USP16: variants seen among roughly 807,000 people sequenced by gnomAD.
USP16 encodes the protein ubiquitin specific peptidase 16.
A neutral mutation model predicts 95.9 loss-of-function variants in USP16; 77 were observed. The observed-to-expected ratio is 0.80, with a 90% CI of 0.67 to 0.97. The LOEUF (loss-of-function observed/expected upper bound fraction) is 0.97, where lower values mean the gene tolerates loss of function less well. USP16 is among the 50% of genes least tolerant of loss of function. USP16 has a pLI of 0.00. For missense variants in USP16, 943 were observed against 959.9 expected, an observed-to-expected ratio of 0.98 and a Z score of 0.23; for synonymous variants, 303 against 318.2, an observed-to-expected ratio of 0.95 and a Z score of 0.51.
At position 29,042,036 on chromosome 21, in the gene USP16, C is replaced by A. The variant is rs191869272; in HGVS notation, c.1054C>A (p.Pro352Thr). 6.2e-7 allele frequency: 1 copy of A among 1,612,746 alleles called. No homozygotes were observed. The highest frequency in any genetic ancestry group is 2.2e-5 in the East Asian group (1 of 44,790). The part of the protein sequence containing the change: ...VKDYEKKKSM[P>T]SFVDRIFGGE... ...AGATTATGAGAAGAAAAAATCAATG[C>A]CAAGTTTTGTTGACCGCATCTTTGG... Residue 352 changes from proline to threonine, a missense_variant, in exon 11 of 18, where the codon CCA becomes ACA. Coordinates refer to ENST00000399976, the MANE Select transcript of USP16 (RefSeq NM_006447.3).
Position 29,039,010 on chromosome 21 carries a change from C to A in USP16, c.733-16C>A, listed in dbSNP as rs779204233. On this transcript the variant is annotated splice_polypyrimidine_tract_variant and intron_variant, in intron 7 of 17. Coordinates refer to ENST00000399976, the MANE Select transcript of USP16 (RefSeq NM_006447.3). Reference sequence around the variant, plus strand: ...AGAATTTGACTGAAGAAAGTAATTTCTTTTCCCATATTCAGGAACCATTAG... The same window carrying A: ...AGAATTTGACTGAAGAAAGTAATTTATTTTCCCATATTCAGGAACCATTAG... 6.7e-7 allele frequency: 1 copy of A among 1,486,878 alleles called. No homozygotes were observed. Among genetic ancestry groups the A allele is most frequent in the South Asian group, 1.4e-5 (1 of 70,040 alleles). The allele number at this position is 1,486,878 out of a possible 1,614,324, so 92.1% of individuals were successfully genotyped here.
At position 29,054,219 on chromosome 21, in the gene USP16, T is replaced by C. The variant is rs1341611311; in HGVS notation, c.*32T>C. Reference sequence around the variant, plus strand: ...CAAAAGCACTTTTTCTGGAAACACATTTATGGCTTTTATAATGGCTGAAAT... The same window carrying C: ...CAAAAGCACTTTTTCTGGAAACACACTTATGGCTTTTATAATGGCTGAAAT... On this transcript the variant is annotated 3_prime_UTR_variant, in exon 18 of 18. Coordinates refer to ENST00000399976, the MANE Select transcript of USP16 (RefSeq NM_006447.3). The C allele has an allele frequency of 1.9e-6, 3 of 1,590,498 alleles. No individual in the cohort carries two copies. The highest frequency in any genetic ancestry group is 2.6e-6 in the Non-Finnish European group (3 of 1,163,590).
intron 12 of USP16, 121 bp from the exon 13 acceptor site, chr21:29,043,302 T>G: frequency 2.9e-6 from 2 of 678,628 alleles, no homozygotes; most frequent in Non-Finnish European, 2.1e-6. Flanking sequence ...TTTTCAAATA[T>G]TGTGGAAAAA....
At chr21:29,041,512 T>C (rs1445732377) in intron 10 of USP16, among the ~76,000 whole-genome samples, 1 of 152,090 alleles carries the variant, frequency 6.6e-6, no homozygotes, top group Non-Finnish European at 1.5e-5. Context: ...TTTCCTGAGG[T>C]TTTTCTTTTG....
chr21:29,024,944 C>T lies in USP16; in HGVS notation c.-42+167C>T, dbSNP rs2084963560. 13 of 706,534 alleles carry T rather than the reference C, an allele frequency of 1.8e-5. No homozygotes were observed. In the South Asian group the frequency reaches 2.6e-4, roughly 14 times the overall value. 43.8% of individuals were successfully genotyped at this position (706,534 alleles called of 1,614,324 possible). A position where few individuals can be genotyped will look rare whatever the true frequency, so the allele number is the denominator to read the frequency against. ...CGATCTCATTGGCTGCATGTTCTGT[C>T]AGTTCCAGAAGCTGGCCAATGAGAT... On this transcript the variant is annotated intron_variant, in intron 1 of 17. Transcript: ENST00000399976.
chr21:29,034,533 G>C (rs570692278), intron 3 of USP16, among the ~76,000 whole-genome samples: 1 of 151,906 alleles, frequency 6.6e-6, no homozygotes, highest in South Asian at 2.1e-4. Context: ...GGCTGGTCTC[G>C]AACTCCTGAC....
rs2085463199 is a variant in USP16 at position 29,054,353 on chromosome 21, A to G, written c.*166A>G. 2.2e-6 allele frequency: 2 copies of G among 899,048 alleles called. No individual in the cohort carries two copies. 55.7% of individuals were successfully genotyped at this position (899,048 alleles called of 1,614,324 possible). ...AGGGAAAAATACCTAAAAATGTACA[A>G]AGGTTTTATATTGTCATAGTGGTTT... On this transcript the variant is annotated 3_prime_UTR_variant, in exon 18 of 18. Coordinates refer to ENST00000399976, the MANE Select transcript of USP16 (RefSeq NM_006447.3).
chr21:29,026,044 T>C (rs938390327), intron 1 of USP16, among the ~76,000 whole-genome samples: 1 of 152,242 alleles, frequency 6.6e-6, no homozygotes, highest in Admixed American at 6.5e-5. Context: ...GTAGAATGAT[T>C]GTCTAAGGCT....
At chr21:29,033,331 A>AT (rs1346944192) in intron 3 of USP16, among the ~76,000 whole-genome samples, 2 of 152,238 alleles carry the variant, frequency 1.3e-5, no homozygotes, top group Non-Finnish European at 2.9e-5. Context: ...TAATTCATTT[A>AT]TTTTGTAATT....
At chr21:29,042,222 C>T (rs1601061478) in intron 11 of USP16, 118 bp downstream of exon 11, 2 of 952,684 alleles carry the variant, frequency 2.1e-6, no homozygotes, top group East Asian at 5.3e-5. Context: ...TATTCAGATG[C>T]TATTCAGATG....
intron 3 of USP16, among the ~76,000 whole-genome samples, chr21:29,032,639 A>G (rs1203707550): frequency 6.6e-6 from 1 of 152,220 alleles, no homozygotes. Context: ...ATATAGTACA[A>G]CAGCTTGTTT....
At chr21:29,029,241 G>A (rs1443669416) in intron 2 of USP16, among the ~76,000 whole-genome samples, 1 of 152,152 alleles carries the variant, frequency 6.6e-6, no homozygotes, top group African/African-American at 2.4e-5. Flanking sequence ...GTGAAACCCC[G>A]TCTCTACTAA....
chr21:29,025,445 T>C (rs574653206), intron 1 of USP16, among the ~76,000 whole-genome samples: 1 of 152,352 alleles, frequency 6.6e-6, no homozygotes, highest in African/African-American at 2.4e-5. Flanking sequence ...ATTAAGTTTA[T>C]TGATGTTTTA....
At chr21:29,050,247 A>G (rs1161290726) in intron 16 of USP16, 69 bp downstream of exon 16, 6 of 1,369,862 alleles carry the variant, frequency 4.4e-6, no homozygotes, top group Non-Finnish European at 6.1e-6. Flanking sequence ...ATGCTCCAGT[A>G]GCAACTCACT....
chr21:29,046,560 GAT>G lies in USP16; in HGVS notation c.1357-103_1357-102del, dbSNP rs1268140785. On this transcript the variant is annotated intron_variant, in intron 13 of 17. Transcript: ENST00000399976. ...TTTTGATTGACAAGCAGCAAAACTG[GAT>G]ATAGTACATGTGTGTGTTTTGTCCT... 3.4e-6 allele frequency: 4 copies of G among 1,160,600 alleles called. No homozygotes were observed. The Admixed American group carries it at 1.1e-4, about 33-fold the overall frequency. 71.9% of individuals were successfully genotyped at this position (1,160,600 alleles called of 1,614,324 possible). A position where few individuals can be genotyped will look rare whatever the true frequency, so the allele number is the denominator to read the frequency against.
chr21:29,048,290 C>T (rs1398927842), intron 14 of USP16, among the ~76,000 whole-genome samples: 1 of 152,068 alleles, frequency 6.6e-6, no homozygotes, highest in Non-Finnish European at 1.5e-5. Context: ...GCCACGTTGG[C>T]CAGGGTGGTC....
Position 29,039,044 on chromosome 21 carries a change from C to A in USP16, c.751C>A (p.Leu251Ile). 1 of 1,549,686 alleles carries A rather than the reference C, an allele frequency of 6.5e-7. No homozygotes were observed. Among genetic ancestry groups the A allele is most frequent in the African/African-American group, 1.4e-5 (1 of 71,758 alleles). ...TATTCAGGAACCATTAGAAATAAAC[C>A]TTGAGCCTCCAGGCCCTCTTACTTT... is the stretch of plus-strand genomic sequence containing the variant. ...LALTEPLEINLEPPGPLTLAM... is the reference protein window; with the variant it reads ...LALTEPLEINIEPPGPLTLAM... The change falls in exon 8 of 18, where the codon CTT becomes ATT. Residue 251 changes from leucine (L) to isoleucine (I), a missense_variant. By Grantham distance (5) the Leu-to-Ile change is conservative. Coordinates refer to ENST00000399976, the MANE Select transcript of USP16 (RefSeq NM_006447.3).
At chr21:29,048,699 T>G in intron 14 of USP16, 62 bp from the exon 15 acceptor site, 3 of 1,295,590 alleles carry the variant, frequency 2.3e-6, no homozygotes, top group Non-Finnish European at 3.3e-6. Context: ...TTATAGCAAA[T>G]CTGAATGCTT....
chr21:29,042,526 C>CA lies in USP16; in HGVS notation c.1178dup (p.Ser394GlufsTer3). ...TTTGTCCCTCCCAGTTTTAGATGAT[C>CA]AGGTAAGACTATTGAATTTATTTTA... On this transcript the variant is annotated frameshift_variant and splice_region_variant, in exon 12 of 18. Coordinates refer to ENST00000399976, the MANE Select transcript of USP16 (RefSeq NM_006447.3). LOFTEE classifies it high-confidence loss of function. The CA allele has an allele frequency of 6.3e-7, 1 of 1,598,498 alleles. No homozygotes were observed. Among genetic ancestry groups the CA allele is most frequent in the Non-Finnish European group, 8.5e-7 (1 of 1,174,942 alleles).
Sources: allele counts gnomAD v4.1 joint callset (sites outside exome capture counted in the v4.1 genomes callset), GRCh38; gene constraint gnomAD v4.1.1; transcripts MANE v1.5; gene names NCBI Gene and HGNC (gene_info 2026-07-23, HGNC 2026-07-21).